Variants in ADAMTSL3 observed in about 807,000 individuals in gnomAD.
ADAMTSL3 encodes ADAMTS-like protein 3.
Under a neutral mutation model 201.7 loss-of-function variants are expected in ADAMTSL3, and 128 were observed. That is an observed-to-expected ratio of 0.63 (90% CI 0.55 to 0.73). The LOEUF is 0.73. ADAMTSL3 is among the 30% of genes least tolerant of loss of function. The probability of loss-of-function intolerance (pLI) is 0.00; values close to 1 mark genes in which losing one functional copy is unlikely to be tolerated. For synonymous variants in ADAMTSL3, 738 were observed against 748.4 expected (o/e 0.99, Z 0.23); for missense variants, 1,990 against 2,119.6 (o/e 0.94, Z 1.20).
At chr15:83,886,942 G>A (rs1416016780) in intron 10 of ADAMTSL3, among the ~76,000 whole-genome samples, 1 of 152,224 alleles carries the variant, frequency 6.6e-6, no homozygotes, top group Non-Finnish European at 1.5e-5. Context: ...CAGAAAGAAA[G>A]TAAAAGTGAA....
chr15:83,912,140 A>T (rs908203043), intron 15 of ADAMTSL3, among the ~76,000 whole-genome samples: 13 of 152,150 alleles, frequency 8.5e-5, no homozygotes, highest in Admixed American at 1.3e-4. Flanking sequence ...GTCCCTACGG[A>T]ATCTGGTTTT....
chr15:83,704,417 A>C lies in ADAMTSL3; in HGVS notation c.98A>C (p.Tyr33Ser), dbSNP rs766451157. The C allele has an allele frequency of 1.2e-6, 2 of 1,614,102 alleles. No individual in the cohort carries two copies. The highest frequency in any genetic ancestry group is 1.7e-6 in the Non-Finnish European group (2 of 1,180,010). ...ACAGCTGAGAAATCTCCTGGAGCCT[A>C]TTTCCTTCCCGAGTTTGCACTTTCT... Reference protein sequence around the residue: ...QTTAEKSPGAYFLPEFALSPQ... With the variant: ...QTTAEKSPGASFLPEFALSPQ... The change falls in exon 3 of 30, where the codon TAT (tyrosine) becomes TCT (serine). Residue 33 changes from tyrosine to serine, a missense_variant. Tyr to Ser is a moderately radical substitution (Grantham distance 144, BLOSUM62 -2). Transcript: ENST00000286744.
chr15:83,829,837 T>C (rs914866425), intron 6 of ADAMTSL3, among the ~76,000 whole-genome samples: 1 of 152,222 alleles, frequency 6.6e-6, no homozygotes, highest in African/African-American at 2.4e-5. Flanking sequence ...TTGAGTGGTT[T>C]TGAGTGAGTT....
chr15:83,780,986 T>C (rs1370091383), intron 4 of ADAMTSL3, among the ~76,000 whole-genome samples: 2 of 152,146 alleles, frequency 1.3e-5, no homozygotes, highest in Admixed American at 6.5e-5. Context: ...CAACATCCTA[T>C]GCTCATGGAT....
intron 20 of ADAMTSL3, among the ~76,000 whole-genome samples, chr15:83,976,651 C>T (rs2067293558): frequency 6.6e-6 from 1 of 151,836 alleles, no homozygotes; most frequent in Non-Finnish European, 1.5e-5. Flanking sequence ...AACCTAGATC[C>T]CTCACGTGCA....
chr15:83,663,558 G>A (rs1198167500), intron 2 of ADAMTSL3, among the ~76,000 whole-genome samples: 4 of 152,160 alleles, frequency 2.6e-5, no homozygotes, highest in African/African-American at 9.7e-5. Context: ...TTAGTGTACT[G>A]TGCTTTGCTA....
At chr15:83,981,450 C>A (rs1222989706) in intron 20 of ADAMTSL3, among the ~76,000 whole-genome samples, 1 of 152,152 alleles carries the variant, frequency 6.6e-6, no homozygotes, top group East Asian at 1.9e-4. Flanking sequence ...CATTATGTGC[C>A]CGCTACTGTG....
intron 23 of ADAMTSL3, among the ~76,000 whole-genome samples, chr15:83,992,400 T>C (rs998634846): frequency 3.9e-5 from 6 of 151,998 alleles, no homozygotes; most frequent in Admixed American, 6.6e-5. Context: ...TGCTCCAGGC[T>C]CCCAACTGAC....
At chr15:83,696,583 G>C (rs1280380356) in intron 2 of ADAMTSL3, among the ~76,000 whole-genome samples, 1 of 152,174 alleles carries the variant, frequency 6.6e-6, no homozygotes, top group Non-Finnish European at 1.5e-5. Flanking sequence ...TTACCTTCTT[G>C]TGTCGTCTGT....
intron 4 of ADAMTSL3, among the ~76,000 whole-genome samples, chr15:83,781,200 G>A (rs182474703): frequency 6.6e-6 from 1 of 152,330 alleles, no homozygotes; most frequent in Admixed American, 6.5e-5. Context: ...CATGCCGCCT[G>A]ACTTACAGCT....
At chr15:83,674,356 G>A (rs1046410754) in intron 2 of ADAMTSL3, among the ~76,000 whole-genome samples, 16 of 151,936 alleles carry the variant, frequency 1.1e-4, no homozygotes, top group African/African-American at 2.7e-4. Flanking sequence ...TTGCACCATC[G>A]TCATTTCTTG....
chr15:83,722,179 A>G (rs17158662), intron 3 of ADAMTSL3, among the ~76,000 whole-genome samples: 19,412 of 152,234 alleles, frequency 0.13, 1,709 homozygotes, highest in African/African-American at 0.25. Context: ...GATTCAGCAG[A>G]GAATCAGATT....
chr15:84,032,629 A>G (rs2068429916), intron 28 of ADAMTSL3, among the ~76,000 whole-genome samples: 1 of 152,204 alleles, frequency 6.6e-6, no homozygotes, highest in Non-Finnish European at 1.5e-5. Context: ...TCTACCTAAG[A>G]ATATATTATA....
chr15:83,698,522 A>T lies in ADAMTSL3; in HGVS notation c.70-5867A>T, dbSNP rs145279861. Among the ~76,000 whole-genome samples the T allele has an allele frequency of 6.7e-4, 102 of 152,254 alleles. No homozygotes were observed. The East Asian group carries it at 7.2e-3, about 11-fold the overall frequency. ...AGGCCTGGCTCAGTGCCCTGGGAAGATCGCACACTTCCTGATCCAGGCTTG... is the reference window on the plus strand; with the variant it reads ...AGGCCTGGCTCAGTGCCCTGGGAAGTTCGCACACTTCCTGATCCAGGCTTG... On this transcript the variant is annotated intron_variant, in intron 2 of 29. Transcript: ENST00000286744.
intron 21 of ADAMTSL3, 73 bp downstream of exon 21, chr15:83,983,417 A>G (rs2067424978): frequency 1.8e-6 from 2 of 1,128,150 alleles, no homozygotes; most frequent in Admixed American, 2.7e-5. Context: ...TCTTGAAAAT[A>G]TTTTCAAATT....
intron 4 of ADAMTSL3, among the ~76,000 whole-genome samples, chr15:83,792,941 C>CT (rs1444003736): frequency 2.8e-4 from 43 of 152,282 alleles, no homozygotes; most frequent in African/African-American, 1.0e-3. Flanking sequence ...AACTAAGTGT[C>CT]TATCAGTGAA....
At chr15:83,713,645 G>T (rs1239537964) in intron 3 of ADAMTSL3, among the ~76,000 whole-genome samples, 3 of 152,158 alleles carry the variant, frequency 2.0e-5, no homozygotes, top group African/African-American at 7.2e-5. Context: ...TAATTTGCTG[G>T]CCAGCAAAGA....
intron 17 of ADAMTSL3, among the ~76,000 whole-genome samples, chr15:83,939,609 T>C (rs2066518809): frequency 6.6e-6 from 1 of 151,976 alleles, no homozygotes; most frequent in South Asian, 2.1e-4. Context: ...ATCTTGTTGG[T>C]CTTTTGAAGG....
intron 5 of ADAMTSL3, among the ~76,000 whole-genome samples, chr15:83,811,166 G>A (rs2063689347): frequency 6.6e-6 from 1 of 152,130 alleles, no homozygotes; most frequent in Admixed American, 6.5e-5. Flanking sequence ...AGATCCTTTT[G>A]CCATGTAAGA....
Sources: gnomAD v4.1 joint callset for allele counts (sites outside exome capture counted in the v4.1 genomes callset) on GRCh38, gnomAD v4.1.1 for gene constraint, MANE v1.5 for transcripts, NCBI Gene and HGNC (gene_info 2026-07-23, HGNC 2026-07-21) for gene names.